The following LAMB4 variants were observed in gnomAD, a reference collection of about 807,000 sequenced individuals.
The protein encoded by LAMB4 is laminin subunit beta 4, also known as laminin subunit beta-4.
In LAMB4, 196 loss-of-function variants were observed where a neutral mutation model predicts 199.2. The observed-to-expected ratio is 0.98, with a 90% confidence interval of 0.88 to 1.11. The LOEUF (loss-of-function observed/expected upper bound fraction) is 1.11. Ranked by LOEUF, LAMB4 falls within the 50% of genes least tolerant of loss-of-function variation. The probability of loss-of-function intolerance (pLI) is 0.00; values close to 1 mark genes in which losing one functional copy is unlikely to be tolerated. For missense variants in LAMB4, 2,080 were observed against 2,171.2 expected, an observed-to-expected ratio of 0.96 and a Z score of 0.83; for synonymous variants, 744 against 770.6, an observed-to-expected ratio of 0.97 and a Z score of 0.57.
At chr7:108,052,300 A>G (rs1168963310) in intron 25 of LAMB4, 43 bp from the exon 26 acceptor site, 6 of 1,436,704 alleles carry the variant, frequency 4.2e-6, no homozygotes, top group Non-Finnish European at 5.6e-6. Flanking sequence ...CTTGTATTAC[A>G]TTTGATATAT....
At chr7:108,055,568 A>C (rs2035955084) in intron 25 of LAMB4, 64 bp downstream of exon 25, 1 of 1,489,784 alleles carries the variant, frequency 6.7e-7, no homozygotes, top group African/African-American at 1.4e-5. Context: ...GACGATGTTA[A>C]AGCTTGGTGG....
At chr7:108,099,116 G>A (rs2037731220) in intron 10 of LAMB4, among the ~76,000 whole-genome samples, 1 of 152,152 alleles carries the variant, frequency 6.6e-6, no homozygotes, top group Non-Finnish European at 1.5e-5. Context: ...ACAAGGAAAA[G>A]TGACATTCTA....
In LAMB4 at chr7:108,095,081, T is replaced by A. The variant is rs1042474794; in HGVS notation, c.1470+147A>T. 10 of 618,112 alleles carry A rather than the reference T, an allele frequency of 1.6e-5. No homozygotes were observed. The African/African-American group carries it at 1.8e-4, about 11-fold the overall frequency. 38.3% of individuals were successfully genotyped at this position (618,112 alleles called of 1,614,324 possible). ...GGGGAGGCTGATAGGTAGTGTTTGCTGATTTCTGTAGTGTAAATACTCATA... is the reference window on the plus strand; with the variant it reads ...GGGGAGGCTGATAGGTAGTGTTTGCAGATTTCTGTAGTGTAAATACTCATA... On this transcript the variant is annotated intron_variant, in intron 12 of 33. Transcript: ENST00000388781.
chr7:108,087,312 G>T (rs573501315), intron 14 of LAMB4, among the ~76,000 whole-genome samples: 1 of 152,242 alleles, frequency 6.6e-6, no homozygotes, highest in South Asian at 2.1e-4. Context: ...CTTTCATTCA[G>T]CCATTTTATT....
chr7:108,027,590 T>C (rs565326560), intron 33 of LAMB4, among the ~76,000 whole-genome samples: 2 of 152,288 alleles, frequency 1.3e-5, no homozygotes, highest in Admixed American at 1.3e-4. Context: ...CTTTAATATT[T>C]TGAGAATTAC....
chr7:108,050,401 T>C (rs908510729), intron 26 of LAMB4, among the ~76,000 whole-genome samples: 3 of 152,214 alleles, frequency 2.0e-5, no homozygotes, highest in Admixed American at 1.3e-4. Context: ...TTCTCATTGA[T>C]AGTAAGAGAT....
Position 108,063,957 on chromosome 7 carries a change from A to C in LAMB4, c.2865T>G (p.Gly955=), listed in dbSNP as rs557089811. 6.2e-7 allele frequency: 1 copy of C among 1,614,172 alleles called. No individual in the cohort carries two copies. The highest frequency in any genetic ancestry group is 1.3e-5 in the African/African-American group (1 of 75,056). Residue 955 remains glycine (G), a synonymous_variant, in exon 22 of 34, where the codon GGT becomes GGG. Transcript: ENST00000388781. Reference sequence around the variant, plus strand: ...CTGAAATTCTTGGATTTCCATAGAAACCAGTAGAGCATTCTCCACACTGAG... The same window carrying C: ...CTGAAATTCTTGGATTTCCATAGAACCCAGTAGAGCATTCTCCACACTGAG... ...TGTQCGECST[G]FYGNPRISGA...
chr7:108,017,588 A>G, the LAMB4 span, among the ~76,000 whole-genome samples: 1 of 152,226 alleles, frequency 6.6e-6, no homozygotes, highest in African/African-American at 2.4e-5. Flanking sequence ...GTGAGTCCTC[A>G]TAAAACTTGA....
chr7:108,041,158 C>G (rs984703682), intron 29 of LAMB4, among the ~76,000 whole-genome samples: 2 of 152,188 alleles, frequency 1.3e-5, no homozygotes, highest in Non-Finnish European at 2.9e-5. Context: ...CTCAACATCA[C>G]TGATCATTAG....
At chr7:108,069,979 G>C (rs1287766217) in intron 17 of LAMB4, 94 bp from the exon 18 acceptor site, 1 of 942,710 alleles carries the variant, frequency 1.1e-6, no homozygotes, top group East Asian at 2.6e-5. Flanking sequence ...GAAAATAATG[G>C]TTCAAAGAAG....
Position 108,037,382 on chromosome 7 carries a change from A to G in LAMB4, c.4679+6T>C, listed in dbSNP as rs202241646. On this transcript the variant is annotated splice_donor_region_variant and intron_variant, in intron 30 of 33. Coordinates refer to ENST00000388781, the MANE Select transcript of LAMB4 (RefSeq NM_007356.3). ...AGCAAGATAAGAATATTAATACAGT[A>G]CTTACTCAGCTGCTTTGGCCTTCAC... The G allele has an allele frequency of 5.6e-6, 9 of 1,605,076 alleles. No individual in the cohort carries two copies. The highest frequency in any genetic ancestry group is 6.8e-6 in the Non-Finnish European group (8 of 1,171,970).
At chr7:108,114,833 C>A (rs755098398) in intron 3 of LAMB4, among the ~76,000 whole-genome samples, 3 of 152,158 alleles carry the variant, frequency 2.0e-5, no homozygotes, top group Non-Finnish European at 4.4e-5. Context: ...ACCTTGGATG[C>A]TTGTTCTGTT....
At position 108,030,872 on chromosome 7, in the gene LAMB4, T is replaced by G; in HGVS notation, c.4926A>C (p.Gln1642His). The G allele has an allele frequency of 6.2e-7, 1 of 1,614,176 alleles. No homozygotes were observed. Among genetic ancestry groups the G allele is most frequent in the Non-Finnish European group, 8.5e-7 (1 of 1,180,008 alleles). Reference protein sequence around the residue: ...SLLQTKLQRHQDHAVNAKVQA... With the variant: ...SLLQTKLQRHHDHAVNAKVQA... Reference sequence around the variant, plus strand: ...GAACTTTCGCATTGACAGCGTGGTCTTGATGCCTTTGCAACTTGGTCTGCA... The same window carrying G: ...GAACTTTCGCATTGACAGCGTGGTCGTGATGCCTTTGCAACTTGGTCTGCA... Residue 1642 changes from glutamine to histidine, a missense_variant, in exon 32 of 34, where the codon CAA becomes CAC. Gln to His is a conservative substitution (Grantham distance 24, BLOSUM62 0). Coordinates refer to ENST00000388781, the MANE Select transcript of LAMB4 (RefSeq NM_007356.3).
intron 32 of LAMB4, 78 bp from the exon 33 acceptor site, chr7:108,029,274 CA>C: frequency 1.5e-6 from 2 of 1,306,030 alleles, no homozygotes; most frequent in Non-Finnish European, 2.1e-6. Context: ...CTCCTAATTC[CA>C]TTCATAGAAG....
chr7:108,097,061 T>C (rs1399787090), intron 11 of LAMB4, among the ~76,000 whole-genome samples: 1 of 151,366 alleles, frequency 6.6e-6, no homozygotes, highest in East Asian at 1.9e-4. Context: ...CAGAGAAACA[T>C]GTGGAATGCT....
intron 5 of LAMB4, among the ~76,000 whole-genome samples, chr7:108,108,907 A>T (rs1056337032): frequency 6.6e-6 from 1 of 152,130 alleles, no homozygotes; most frequent in African/African-American, 2.4e-5. Context: ...TATAGTTCTT[A>T]TGGTTCCTAT....
chr7:108,091,428 A>G (rs2037396984), intron 14 of LAMB4, among the ~76,000 whole-genome samples, 198 bp downstream of exon 14: 2 of 152,210 alleles, frequency 1.3e-5, no homozygotes, highest in Non-Finnish European at 2.9e-5. Flanking sequence ...CCTGGGATAC[A>G]AAGATGAACT....
Position 108,107,690 on chromosome 7 carries a change from C to T in LAMB4, c.532G>A (p.Val178Met), listed in dbSNP as rs2038073087. Residue 178 changes from valine (V) to methionine (M), a missense_variant, in exon 6 of 34, where the codon GTG becomes ATG. Coordinates refer to ENST00000388781, the MANE Select transcript of LAMB4 (RefSeq NM_007356.3). ...PNITSGQAQG[V>M]GDIVCDSKYS... Reference sequence around the variant, plus strand: ...TTGGAGTCACAAACAATGTCTCCCACTCCCTGGGCCTGGCCAGATGTGATG... The same window carrying T: ...TTGGAGTCACAAACAATGTCTCCCATTCCCTGGGCCTGGCCAGATGTGATG... The T allele has an allele frequency of 6.2e-7, 1 of 1,613,010 alleles. No individual in the cohort carries two copies. The highest frequency in any genetic ancestry group is 1.3e-5 in the African/African-American group (1 of 74,998).
At chr7:108,088,834 A>G (rs757784186) in intron 14 of LAMB4, among the ~76,000 whole-genome samples, 1 of 152,116 alleles carries the variant, frequency 6.6e-6, no homozygotes, top group Non-Finnish European at 1.5e-5. Context: ...TGTATGGTGA[A>G]CTCATCTGAC....
Sources: allele counts gnomAD v4.1 joint callset (sites outside exome capture counted in the v4.1 genomes callset), GRCh38; gene constraint gnomAD v4.1.1; transcripts MANE v1.5; gene names NCBI Gene and HGNC (gene_info 2026-07-23, HGNC 2026-07-21).